Variants in EWSR1 observed in about 807,000 individuals in gnomAD.
EWSR1 encodes the protein RNA-binding protein EWS.
EWSR1 carries 14 observed loss-of-function variants against 92.1 expected under a neutral mutation model. The ratio of observed to expected loss-of-function variants is 0.15; its 90% confidence interval spans 0.10 to 0.24. EWSR1 has a LOEUF of 0.24. Among genes scored for constraint, EWSR1 ranks in the 10% least tolerant of loss-of-function variants. The pLI is 1.00. For missense variants in EWSR1, 637 were observed against 870.9 expected (o/e 0.73, Z 3.38); for synonymous variants, 303 against 292.9 (o/e 1.03, Z -0.35).
intron 6 of EWSR1, among the ~76,000 whole-genome samples, 159 bp from the exon 7 acceptor site, chr22:29,286,764 T>C (rs930836887): frequency 6.6e-6 from 1 of 152,144 alleles, no homozygotes; most frequent in Non-Finnish European, 1.5e-5. Context: ...ACAAAAGTAT[T>C]TGCTGAGTTG....
At chr22:29,288,023 T>G (rs2060177960) in intron 7 of EWSR1, among the ~76,000 whole-genome samples, 1 of 152,080 alleles carries the variant, frequency 6.6e-6, no homozygotes. Flanking sequence ...TAAAGATAAA[T>G]AAAGATTCTT....
rs1415539061 is a variant in EWSR1, at chr22:29,292,121, C to CT, written c.1013-13dup. The CT allele has an allele frequency of 1.2e-6, 2 of 1,612,736 alleles. No individual in the cohort carries two copies. Among genetic ancestry groups the CT allele is most frequent in the Non-Finnish European group, 1.7e-6 (2 of 1,178,846 alleles). On this transcript the variant is annotated splice_polypyrimidine_tract_variant and intron_variant, in intron 9 of 16. Coordinates refer to ENST00000397938, the MANE Select transcript of EWSR1 (RefSeq NM_005243.4). ...GTGCACTAATAATATTTTATATGATCTTTCCTGGTTGGCAGGACCCATGGA... is the reference window on the plus strand; with the variant it reads ...GTGCACTAATAATATTTTATATGATCTTTTCCTGGTTGGCAGGACCCATGGA...
In EWSR1 at chr22:29,286,979, C is replaced by G. The variant is rs780203550; in HGVS notation, c.638C>G (p.Thr213Ser). The change falls in exon 7 of 17, where the codon ACC becomes AGC. Residue 213 changes from threonine (T) to serine (S), a missense_variant. Thr to Ser is a moderately conservative substitution (Grantham distance 58, BLOSUM62 1). Around this residue, in one of 5 missense-constraint regions of EWSR1, gnomAD observed 116 missense variants for 167.8 expected, o/e 0.69. Transcript: ENST00000397938. ...CAGAGCAGTTACTCTCAGCAGAACACCTATGGGCAACCGAGCAGCTATGGA... is the reference window on the plus strand; with the variant it reads ...CAGAGCAGTTACTCTCAGCAGAACAGCTATGGGCAACCGAGCAGCTATGGA... Reference protein sequence around the residue: ...YDQSSYSQQNTYGQPSSYGQQ... With the variant: ...YDQSSYSQQNSYGQPSSYGQQ... 141 of 1,613,498 alleles carry G rather than the reference C, an allele frequency of 8.7e-5. No individual in the cohort carries two copies. The highest frequency in any genetic ancestry group is 1.2e-4 in the Non-Finnish European group (139 of 1,179,816).
At chr22:29,275,937 T>G (rs571791850) in intron 4 of EWSR1, 88 of 228,674 alleles carry the variant, frequency 3.8e-4, no homozygotes, top group African/African-American at 1.8e-3. Flanking sequence ...GTTTTTTTGT[T>G]TTTTTTTTGG....
At chr22:29,279,873 A>G (rs535807756) in intron 5 of EWSR1, among the ~76,000 whole-genome samples, 1 of 152,286 alleles carries the variant, frequency 6.6e-6, no homozygotes, top group Admixed American at 6.5e-5. Flanking sequence ...ATGCAACAGT[A>G]TATCCAAGCC....
chr22:29,279,661 T>C (rs936838833), intron 5 of EWSR1, among the ~76,000 whole-genome samples: 4 of 152,260 alleles, frequency 2.6e-5, no homozygotes, highest in Non-Finnish European at 4.4e-5. Flanking sequence ...AACCTAGATA[T>C]ATCTGCTCTA....
chr22:29,276,456 A>G, intron 4 of EWSR1: 1 of 221,354 alleles, frequency 4.5e-6, no homozygotes, highest in East Asian at 6.7e-5. Context: ...GAGGTAGAGA[A>G]GAAAGAGTAT....
chr22:29,292,095 C>G, intron 9 of EWSR1, 42 bp from the exon 10 acceptor site: 1 of 1,582,662 alleles, frequency 6.3e-7, no homozygotes, highest in Non-Finnish European at 8.7e-7. Flanking sequence ...GCTTGCAAGA[C>G]GTGCACTAAT....
At chr22:29,275,391 A>G (rs1054506660) in intron 4 of EWSR1, among the ~76,000 whole-genome samples, 1 of 152,178 alleles carries the variant, frequency 6.6e-6, no homozygotes, top group Non-Finnish European at 1.5e-5. Flanking sequence ...AATCCCCATC[A>G]TGACTGTGGG....
intron 4 of EWSR1, chr22:29,276,724 T>C (rs1008516454): frequency 8.7e-6 from 2 of 231,136 alleles, no homozygotes; most frequent in Non-Finnish European, 1.7e-5. Flanking sequence ...GGCTGGATCT[T>C]ACTGCAGCCT....
rs2060098432 is a variant in EWSR1, at chr22:29,287,018, A to G, written c.677A>G (p.Tyr226Cys). 3 of 1,613,832 alleles carry G rather than the reference A, an allele frequency of 1.9e-6. No individual in the cohort carries two copies. The highest frequency in any genetic ancestry group is 2.5e-6 in the Non-Finnish European group (3 of 1,179,816). The change falls in exon 7 of 17, where the codon TAT becomes TGT. Residue 226 changes from tyrosine (Y) to cysteine (C), a missense_variant. By Grantham distance (194) the Tyr-to-Cys change is radical. Coordinates refer to ENST00000397938, the MANE Select transcript of EWSR1 (RefSeq NM_005243.4). Reference sequence around the variant, plus strand: ...AGCAGCTATGGACAGCAGAGTAGCTATGGTCAACAAAGCAGCTATGGGCAG... The same window carrying G: ...AGCAGCTATGGACAGCAGAGTAGCTGTGGTCAACAAAGCAGCTATGGGCAG... Reference protein sequence around the residue: ...QPSSYGQQSSYGQQSSYGQQP... With the variant: ...QPSSYGQQSSCGQQSSYGQQP...
chr22:29,297,796 G>A (rs375566604), intron 12 of EWSR1, 31 bp from the exon 13 acceptor site: 1 of 1,612,534 alleles, frequency 6.2e-7, no homozygotes, highest in Non-Finnish European at 8.5e-7. Flanking sequence ...GAGTACAGGG[G>A]AGTAATTGAT....
intron 1 of EWSR1, among the ~76,000 whole-genome samples, chr22:29,268,665 C>T (rs1300709195): frequency 6.6e-6 from 1 of 152,220 alleles, no homozygotes; most frequent in Non-Finnish European, 1.5e-5. Flanking sequence ...TGGGCGGGGC[C>T]TGCGGCCTTC....
chr22:29,298,125 G>A (rs952748066), intron 13 of EWSR1, among the ~76,000 whole-genome samples, 176 bp downstream of exon 13: 15 of 152,226 alleles, frequency 9.9e-5, no homozygotes, highest in African/African-American at 2.9e-4. Context: ...AACATGGGAG[G>A]CTGGAAGCCA....
intron 3 of EWSR1, 68 bp from the exon 4 acceptor site, chr22:29,273,673 G>T: frequency 6.5e-7 from 1 of 1,549,874 alleles, no homozygotes; most frequent in Non-Finnish European, 8.7e-7. Flanking sequence ...CTCCAATTTA[G>T]TCCATTTTAT....
chr22:29,298,821 C>G lies in EWSR1; in HGVS notation c.1506C>G (p.Pro502=), dbSNP rs763253549. 6.2e-7 allele frequency: 1 copy of G among 1,601,266 alleles called. No homozygotes were observed. ...GDRGGFPPRG[P]RGSRGNPSGG... ...GAGGAGGCTTCCCTCCAAGAGGACC[C>G]CGGGGTTCCCGAGGGAACCCCTCTG... The change falls in exon 14 of 17, where the codon CCC becomes CCG. Residue 502 remains proline (P), a synonymous_variant. Coordinates refer to ENST00000397938, the MANE Select transcript of EWSR1 (RefSeq NM_005243.4).
At chr22:29,276,927 C>T (rs991906718) in intron 4 of EWSR1, 12 of 231,678 alleles carry the variant, frequency 5.2e-5, no homozygotes, top group Non-Finnish European at 9.4e-5. Flanking sequence ...GTAAACCAAA[C>T]TTTTTATTGC....
intron 1 of EWSR1, among the ~76,000 whole-genome samples, chr22:29,268,778 G>A (rs889113120): frequency 1.3e-5 from 2 of 152,242 alleles, no homozygotes; most frequent in Non-Finnish European, 2.9e-5. Context: ...CTCCCTCCCC[G>A]TTTTCAGGGT....
chr22:29,286,912 C>CT lies in EWSR1; in HGVS notation c.582-10dup. On this transcript the variant is annotated splice_polypyrimidine_tract_variant and intron_variant, in intron 6 of 16. Coordinates refer to ENST00000397938, the MANE Select transcript of EWSR1 (RefSeq NM_005243.4). The stretch of plus-strand genomic sequence containing the variant: ...AAAAGCTTTTTTTTTTTTCTCTTCT[C>CT]TCTCTTTCAGCTATTCCTCTACACA... 2.5e-6 allele frequency: 4 copies of CT among 1,577,928 alleles called. No individual in the cohort carries two copies. The highest frequency in any genetic ancestry group is 3.4e-6 in the Non-Finnish European group (4 of 1,159,474).
Sources: gnomAD v4.1 joint callset for allele counts (sites outside exome capture counted in the v4.1 genomes callset) on GRCh38, gnomAD v4.1.1 for gene constraint, gnomAD v4.1.1 regional missense constraint, MANE v1.5 for transcripts, NCBI Gene and HGNC (gene_info 2026-07-23, HGNC 2026-07-21) for gene names.